The following ABCC6 variants were observed in gnomAD, a reference collection of about 807,000 sequenced individuals.
ABCC6 encodes ATP binding cassette subfamily C member 6.
Under a neutral mutation model 169.5 loss-of-function variants are expected in ABCC6, and 126 were observed. That is an observed-to-expected ratio of 0.74 (90% CI 0.64 to 0.86). The LOEUF (loss-of-function observed/expected upper bound fraction) is 0.86. ABCC6 is among the 40% of genes least tolerant of loss of function. The pLI, the probability that ABCC6 is intolerant of heterozygous loss-of-function variation, is 0.00. For synonymous variants in ABCC6, 752 were observed against 814.7 expected (o/e 0.92, Z 1.31); for missense variants, 1,733 against 1,927.2 (o/e 0.90, Z 1.89).
At chr16:16,182,073 G>A (rs955859362) in intron 17 of ABCC6, 1 of 431,408 alleles carries the variant, frequency 2.3e-6, no homozygotes, top group Non-Finnish European at 4.3e-6. Context: ...CCTTGGTGAG[G>A]CCCAGAGAGG....
At chr16:16,159,737 G>T (rs1034126745) in intron 25 of ABCC6, among the ~76,000 whole-genome samples, 154 bp from the exon 26 acceptor site, 1 of 152,210 alleles carries the variant, frequency 6.6e-6, no homozygotes, top group Non-Finnish European at 1.5e-5. Flanking sequence ...GGGCCCAGGG[G>T]ATTGGGATTT....
intron 5 of ABCC6, 81 bp downstream of exon 5, chr16:16,214,243 A>G (rs990390273): frequency 2.6e-6 from 4 of 1,546,450 alleles, no homozygotes; most frequent in Non-Finnish European, 3.5e-6. Context: ...AATGAATAAA[A>G]AAATTAAAGA....
At chr16:16,208,668 G>A (rs907108333) in intron 7 of ABCC6, 60 bp downstream of exon 7, 28 of 1,612,226 alleles carry the variant, frequency 1.7e-5, no homozygotes, top group African/African-American at 1.1e-4. Flanking sequence ...CACCGCACCC[G>A]GCCAATGATG....
intron 20 of ABCC6, among the ~76,000 whole-genome samples, chr16:16,174,807 A>G: frequency 7.0e-6 from 1 of 142,098 alleles, no homozygotes; most frequent in East Asian, 2.6e-4. Flanking sequence ...TAAATTTGCT[A>G]GAGGTTAATT....
chr16:16,188,935 C>T lies in ABCC6; in HGVS notation c.1675G>A (p.Glu559Lys), dbSNP rs114149656. ...VVFAVHTLVA[E>K]NAMNAEKAFV... ...GCTTTCTCTGCATTCATAGCATTCT[C>T]GGCCACCAGAGTGTGGACAGCAAAC... The change falls in exon 13 of 31, where the codon GAG becomes AAG. Residue 559 changes from glutamate (E) to lysine (K), a missense_variant. This residue lies in a region of ABCC6 where 1,601 missense variants were observed against 1,635.5 expected (regional missense o/e 0.98). Coordinates refer to ENST00000205557, the MANE Select transcript of ABCC6 (RefSeq NM_001171.6). 3.0e-5 allele frequency: 48 copies of T among 1,614,070 alleles called. No individual in the cohort carries two copies. Among genetic ancestry groups the T allele is most frequent in the South Asian group, 3.3e-5 (3 of 91,078 alleles).
intron 22 of ABCC6, among the ~76,000 whole-genome samples, chr16:16,168,851 C>A (rs998708494): frequency 1.3e-5 from 2 of 152,062 alleles, no homozygotes; most frequent in East Asian, 3.9e-4. Context: ...GAGGCCGAGG[C>A]GGGCAGATCA....
intron 4 of ABCC6, among the ~76,000 whole-genome samples, chr16:16,216,094 G>C (rs531559089): frequency 1.5e-3 from 230 of 151,944 alleles, no homozygotes; most frequent in African/African-American, 5.4e-3. Context: ...TACTTTTTTT[G>C]TATTTTTAGT....
chr16:16,183,543 G>T (rs1307620402), intron 15 of ABCC6, among the ~76,000 whole-genome samples: 1 of 152,156 alleles, frequency 6.6e-6, no homozygotes, highest in African/African-American at 2.4e-5. Context: ...AAGTCCTGAC[G>T]ATCAGGAATG....
At chr16:16,168,584 G>T (rs1458976569) in intron 22 of ABCC6, among the ~76,000 whole-genome samples, 2 of 152,140 alleles carry the variant, frequency 1.3e-5, no homozygotes, top group Non-Finnish European at 1.5e-5. Context: ...GAAGAACCAG[G>T]GGTTGGGGAC....
chr16:16,219,059 C>CAAA lies in ABCC6; in HGVS notation c.474+492_474+494dup, dbSNP rs545447445. Among the ~76,000 whole-genome samples, 33 of 10,368 alleles carry CAAA rather than the reference C, an allele frequency of 3.2e-3. 4 individuals are homozygous for CAAA. Among genetic ancestry groups the CAAA allele is most frequent in the East Asian group, 6.5e-3 (1 of 154 alleles). The allele number at this position is 10,368 out of a possible 152,430, so 6.8% of individuals were successfully genotyped here. On this transcript the variant is annotated intron_variant, in intron 4 of 30. Coordinates refer to ENST00000205557, the MANE Select transcript of ABCC6 (RefSeq NM_001171.6). The stretch of plus-strand genomic sequence containing the variant: ...AGTCTGGGCGACAGAGCAAGCCTCT[C>CAAA]AAAAAAAAAAAAAAAAAAAAAAAAA...
Position 16,149,971 on chromosome 16 carries a change from C to G in ABCC6, c.*162G>C. On this transcript the variant is annotated 3_prime_UTR_variant, in exon 31 of 31. Coordinates refer to ENST00000205557, the MANE Select transcript of ABCC6 (RefSeq NM_001171.6). Reference sequence around the variant, plus strand: ...GCTAGGTCCTTCCGGCTCTGATGCTCTGTGATAATTGGCCACTTTCTCTGC... The same window carrying G: ...GCTAGGTCCTTCCGGCTCTGATGCTGTGTGATAATTGGCCACTTTCTCTGC... The G allele has an allele frequency of 9.1e-7, 1 of 1,103,702 alleles. No homozygotes were observed. Among genetic ancestry groups the G allele is most frequent in the Non-Finnish European group, 1.3e-6 (1 of 748,636 alleles). 68.4% of individuals were successfully genotyped at this position (1,103,702 alleles called of 1,614,324 possible). A position where few individuals can be genotyped will look rare whatever the true frequency, so the allele number is the denominator to read the frequency against.
intron 5 of ABCC6, among the ~76,000 whole-genome samples, chr16:16,212,587 G>A (rs2048674425): frequency 6.6e-6 from 1 of 151,086 alleles, no homozygotes; most frequent in Non-Finnish European, 1.5e-5. Flanking sequence ...TGGGATTACA[G>A]GCATGAGCCA....
chr16:16,159,994 T>TC (rs2046665439), intron 25 of ABCC6, among the ~76,000 whole-genome samples: 1 of 151,974 alleles, frequency 6.6e-6, no homozygotes, highest in Non-Finnish European at 1.5e-5. Context: ...TCCAAGCTCC[T>TC]CCCTATGAGC....
intron 17 of ABCC6, among the ~76,000 whole-genome samples, chr16:16,180,285 T>C (rs969584265): frequency 3.9e-5 from 6 of 152,168 alleles, no homozygotes; most frequent in Admixed American, 3.3e-4. Context: ...CTGTAGACAA[T>C]ATGTAATGAT....
chr16:16,219,639 A>C lies in ABCC6; in HGVS notation c.389T>G (p.Val130Gly). ...ACCAAACAGCACTCCAGATGACTGG[A>C]CTCCCTTTTTCCTCTCGGTGTGAAT... ...FLIHTERKKG[V>G]QSSGVLFGYW... is the part of the protein sequence containing the mutation. Residue 130 changes from valine (V) to glycine (G), a missense_variant, in exon 4 of 31, where the codon GTC (valine) becomes GGC (glycine). Around this residue, in one of 5 missense-constraint regions of ABCC6, gnomAD observed 17 missense variants for 108.1 expected, o/e 0.16. Coordinates refer to ENST00000205557, the MANE Select transcript of ABCC6 (RefSeq NM_001171.6). The C allele has an allele frequency of 6.7e-7, 1 of 1,493,038 alleles. No individual in the cohort carries two copies. Among genetic ancestry groups the C allele is most frequent in the Non-Finnish European group, 9.1e-7 (1 of 1,101,802 alleles). 92.5% of individuals were successfully genotyped at this position (1,493,038 alleles called of 1,614,324 possible).
intron 13 of ABCC6, among the ~76,000 whole-genome samples, chr16:16,188,126 A>C (rs757755585): frequency 6.6e-6 from 1 of 151,464 alleles, no homozygotes; most frequent in African/African-American, 2.4e-5. Flanking sequence ...TCATGTCTGT[A>C]ATCAGCACTT....
chr16:16,149,639 G>A lies in ABCC6; in HGVS notation c.*494C>T. ...CCTGGCTGTGATGCTTTATCCTAGA[G>A]TTTTGCAAGATGTTACCATTGGGTG... On this transcript the variant is annotated 3_prime_UTR_variant, in exon 31 of 31. Transcript: ENST00000205557. The A allele has an allele frequency of 3.6e-6, 1 of 281,230 alleles. No homozygotes were observed. The allele number at this position is 281,230 out of a possible 1,614,324, so 17.4% of individuals were successfully genotyped here.
chr16:16,157,530 T>G, intron 27 of ABCC6, 133 bp downstream of exon 27: 1 of 1,152,032 alleles, frequency 8.7e-7, no homozygotes, highest in Non-Finnish European at 1.3e-6. Flanking sequence ...TTTTAGGGGG[T>G]AATGGGTCTG....
In ABCC6 at chr16:16,198,063, C is replaced by G. The variant is rs1202860002; in HGVS notation, c.1296G>C (p.Leu432=). 6.2e-7 allele frequency: 1 copy of G among 1,614,050 alleles called. No individual in the cohort carries two copies. Among genetic ancestry groups the G allele is most frequent in the African/African-American group, 1.3e-5 (1 of 74,942 alleles). Residue 432 remains leucine, a synonymous_variant, in exon 10 of 31, where the codon CTG becomes CTC. Coordinates refer to ENST00000205557, the MANE Select transcript of ABCC6 (RefSeq NM_001171.6). ...ESVLYLNGLW[L]PLVWIVVCFV... ...AGCAGACCACGATCCAGACGAGAGG[C>G]AGCCACAGCCCGTTGAGGTAGAGGA...
Sources: allele counts gnomAD v4.1 joint callset (sites outside exome capture counted in the v4.1 genomes callset), GRCh38; gene constraint gnomAD v4.1.1; regional missense constraint gnomAD v4.1.1; transcripts MANE v1.5; gene names NCBI Gene and HGNC (gene_info 2026-07-23, HGNC 2026-07-21).